Variants in MYH7B observed in about 807,000 individuals in gnomAD.
MYH7B encodes myosin-7B.
In MYH7B, 205 loss-of-function variants were observed where a neutral mutation model predicts 234.5. The ratio of observed to expected loss-of-function variants is 0.87; its 90% CI spans 0.78 to 0.98. The LOEUF is 0.98. Ranked by LOEUF, MYH7B falls within the 50% of genes least tolerant of loss-of-function variation. The pLI, the probability that MYH7B is intolerant of heterozygous loss-of-function variation, is 0.00. For missense variants in MYH7B, 2,652 were observed against 2,633.4 expected, an observed-to-expected ratio of 1.01 and a Z score of -0.15; for synonymous variants, 1,193 against 1,105.0, an observed-to-expected ratio of 1.08 and a Z score of -1.58.
intron 24 of MYH7B, among the ~76,000 whole-genome samples, chr20:34,992,173 C>T (rs2082163970): frequency 2.0e-5 from 3 of 152,174 alleles, no homozygotes; most frequent in Admixed American, 2.0e-4. Flanking sequence ...ATCACGAGGT[C>T]AGGAGATCGA....
At chr20:34,984,379 G>C (rs2081983993) in intron 10 of MYH7B, among the ~76,000 whole-genome samples, 1 of 152,178 alleles carries the variant, frequency 6.6e-6, no homozygotes, top group Admixed American at 6.5e-5. Context: ...TTAGTCGGGA[G>C]GCCCCTGGGG....
chr20:34,955,956 T>C lies in MYH7B; in HGVS notation c.-388T>C, dbSNP rs778561731. On this transcript the variant is annotated 5_prime_UTR_variant, in exon 1 of 45. An upstream start codon of the reference 5' UTR is lost. Transcript: ENST00000262873. The stretch of plus-strand genomic sequence containing the variant: ...AGTGCGTCGGCTGCACCCTGGCGGA[T>C]GGACCTTGGGAAGGAGGGGAGGGGA... 3 of 152,334 alleles carry C rather than the reference T, an allele frequency of 2.0e-5. No individual in the cohort carries two copies. Among genetic ancestry groups the C allele is most frequent in the Non-Finnish European group, 2.9e-5 (2 of 68,212 alleles). 9.4% of individuals were successfully genotyped at this position (152,334 alleles called of 1,614,324 possible). A position where few individuals can be genotyped will look rare whatever the true frequency, so the allele number is the denominator to read the frequency against.
intron 4 of MYH7B, 83 bp downstream of exon 4, chr20:34,977,763 A>T: frequency 6.7e-7 from 1 of 1,497,908 alleles, no homozygotes; most frequent in Non-Finnish European, 9.1e-7. Context: ...GGTGGCCGCG[A>T]GTCTTCTGAA....
rs760263936 is a variant in MYH7B, at chr20:34,996,733, C to G, written c.3241C>G (p.Gln1081Glu). The G allele has an allele frequency of 2.5e-6, 4 of 1,612,702 alleles. No individual in the cohort carries two copies. The Admixed American group carries it at 6.7e-5, about 27-fold the overall frequency. The stretch of plus-strand genomic sequence containing the variant: ...GGTGGCTGATGCTGCTCAAGACAAG[C>G]AGCAGCTGGAGGAGAAGCTCAAGAA... The change falls in exon 30 of 45, where the codon CAG becomes GAG. Residue 1081 changes from glutamine (Q) to glutamate (E), a missense_variant. Transcript: ENST00000262873.
At chr20:34,959,862 A>C (rs2081676383) in intron 2 of MYH7B, among the ~76,000 whole-genome samples, 1 of 152,136 alleles carries the variant, frequency 6.6e-6, no homozygotes, top group African/African-American at 2.4e-5. Flanking sequence ...GTACTTGGCT[A>C]ATGACTTTAC....
intron 10 of MYH7B, among the ~76,000 whole-genome samples, chr20:34,982,991 G>A (rs2081961994): frequency 6.6e-6 from 1 of 152,224 alleles, no homozygotes; most frequent in East Asian, 1.9e-4. Context: ...GGGGTTGGCA[G>A]GGCAATTTTG....
chr20:34,987,637 G>C, exon 17 of MYH7B: 5 of 1,614,076 alleles, frequency 3.1e-6, no homozygotes, highest in Non-Finnish European at 4.2e-6. Context: ...GGTGCGTGTA[G>C]GGAACGAGTA....
At position 34,998,840 on chromosome 20, in the gene MYH7B, A is replaced by C. The variant is rs537152195; in HGVS notation, c.4115A>C (p.Asn1372Thr). The change falls in exon 35 of 45, where the codon AAT becomes ACT. Residue 1372 changes from asparagine (N) to threonine (T), a missense_variant. Asn to Thr is a moderately conservative substitution (Grantham distance 65). Coordinates refer to ENST00000262873, the Ensembl canonical transcript of MYH7B. ...CTGCAGCGGCTGCTGTCCAAGGCCA[A>C]TGCCGAGGTGGCCCAGTGGAGGAGC... 3.1e-6 allele frequency: 5 copies of C among 1,613,268 alleles called. No individual in the cohort carries two copies. The African/African-American group carries it at 6.7e-5, about 21-fold the overall frequency.
At chr20:34,978,712 G>A (rs2081895571) in intron 5 of MYH7B, among the ~76,000 whole-genome samples, 1 of 152,172 alleles carries the variant, frequency 6.6e-6, no homozygotes, top group South Asian at 2.1e-4. Flanking sequence ...TCGACACTCT[G>A]CTGTTGCCGT....
chr20:34,998,648 C>A lies in MYH7B; in HGVS notation c.3993+19C>A. The A allele has an allele frequency of 6.2e-7, 1 of 1,612,782 alleles. No homozygotes were observed. Among genetic ancestry groups the A allele is most frequent in the South Asian group, 1.1e-5 (1 of 91,086 alleles). On this transcript the variant is annotated intron_variant, in intron 34 of 44. Coordinates refer to ENST00000262873, the Ensembl canonical transcript of MYH7B. The stretch of plus-strand genomic sequence containing the variant: ...AAGCAAGGTGGGCTGGCACCGGTGA[C>A]CATGGAGTGGGCAGGTGGGCACCAG...
At chr20:34,989,102 G>A (rs1011295097) in intron 19 of MYH7B, among the ~76,000 whole-genome samples, 19 of 152,186 alleles carry the variant, frequency 1.2e-4, no homozygotes, top group Non-Finnish European at 2.2e-4. Flanking sequence ...GGGCCACTGC[G>A]CCTGGCCTAT....
At chr20:34,997,551 G>A (rs1264675798) in exon 32 of MYH7B, 1 of 1,612,320 alleles carries the variant, frequency 6.2e-7, no homozygotes, top group Admixed American at 1.7e-5. Context: ...CCTGCAGCGG[G>A]TGCGGCAGAA....
At chr20:34,977,659 C>T (rs1220170418) in exon 4 of MYH7B, 1 of 1,582,568 alleles carries the variant, frequency 6.3e-7, no homozygotes, top group Non-Finnish European at 8.6e-7. Context: ...GCAGAGCTTC[C>T]TGCCCTCACC....
At chr20:34,988,848 C>T (rs143368271) in intron 19 of MYH7B, among the ~76,000 whole-genome samples, 12,061 of 145,998 alleles carry the variant, frequency 0.083, 569 homozygotes, top group South Asian at 0.13. Flanking sequence ...CTCACTCTGT[C>T]GCCCAGGCTG....
At chr20:34,958,557 C>T (rs1287089736) in intron 2 of MYH7B, among the ~76,000 whole-genome samples, 1 of 152,184 alleles carries the variant, frequency 6.6e-6, no homozygotes, top group Non-Finnish European at 1.5e-5. Flanking sequence ...CCTCTGTCTC[C>T]TGGGTTCAAA....
chr20:34,977,664 C>G, exon 4 of MYH7B: 2 of 1,560,270 alleles, frequency 1.3e-6, no homozygotes, highest in Non-Finnish European at 1.7e-6. Flanking sequence ...GCTTCCTGCC[C>G]TCACCGTGGT....
intron 2 of MYH7B, among the ~76,000 whole-genome samples, chr20:34,959,724 G>T (rs2081674782): frequency 6.6e-6 from 1 of 152,106 alleles, no homozygotes; most frequent in African/African-American, 2.4e-5. Context: ...TGATCTGCCT[G>T]CCTCAGCCTC....
At chr20:35,000,675 C>G (rs1341130532) in exon 39 of MYH7B, 2 of 1,591,644 alleles carry the variant, frequency 1.3e-6, no homozygotes, top group South Asian at 2.3e-5. Flanking sequence ...GCGCCTCAAC[C>G]TTCTGCATTC....
At position 34,995,305 on chromosome 20, in the gene MYH7B, C is replaced by G. The variant is rs750653321; in HGVS notation, c.2701-31C>G. 29 of 1,599,446 alleles carry G rather than the reference C, an allele frequency of 1.8e-5. No homozygotes were observed. In the East Asian group the frequency reaches 6.1e-4, roughly 33 times the overall value. ...CTCTGCTGGTTTACCTGGCCCTCCC[C>G]CAACCTGGCCCCGTTCCGTGTGCCC... On this transcript the variant is annotated intron_variant, in intron 27 of 44. Transcript: ENST00000262873.
Sources: allele counts gnomAD v4.1 joint callset (sites outside exome capture counted in the v4.1 genomes callset), GRCh38; gene constraint gnomAD v4.1.1; transcripts MANE v1.5; gene names NCBI Gene and HGNC (gene_info 2026-07-23, HGNC 2026-07-21).